The following FCHO2 variants were observed in gnomAD, a reference collection of about 807,000 sequenced individuals.
The protein encoded by FCHO2 is FCH and mu domain containing endocytic adaptor 2, also known as F-BAR domain only protein 2.
Under a neutral mutation model 114.1 loss-of-function variants are expected in FCHO2, and 43 were observed. That is an observed-to-expected ratio of 0.38 (90% CI 0.30 to 0.49). The LOEUF is 0.49. Among genes scored for constraint, FCHO2 ranks in the 20% least tolerant of loss-of-function variants. FCHO2 has a pLI of 0.97. For missense variants in FCHO2, 807 were observed against 950.4 expected, an observed-to-expected ratio of 0.85 and a Z score of 1.98; for synonymous variants, 293 against 315.2, an observed-to-expected ratio of 0.93 and a Z score of 0.75.
chr5:73,062,376 C>A (rs898430151), intron 17 of FCHO2, among the ~76,000 whole-genome samples: 4 of 152,102 alleles, frequency 2.6e-5, no homozygotes, highest in African/African-American at 9.7e-5. Context: ...TTTGGACAGA[C>A]CACTTGATCA....
At chr5:73,000,401 G>A (rs1163664099) in intron 5 of FCHO2, among the ~76,000 whole-genome samples, 1 of 150,576 alleles carries the variant, frequency 6.6e-6, no homozygotes, top group Non-Finnish European at 1.5e-5. Flanking sequence ...AACCGGGGAG[G>A]TGGAGGTTTC....
At chr5:73,000,275 C>A (rs1379869865) in intron 5 of FCHO2, among the ~76,000 whole-genome samples, 1 of 152,180 alleles carries the variant, frequency 6.6e-6, no homozygotes, top group East Asian at 1.9e-4. Flanking sequence ...CAGTTTGAGA[C>A]CAGCCTGGCC....
At chr5:73,023,813 T>A (rs1755768517) in intron 8 of FCHO2, among the ~76,000 whole-genome samples, 1 of 152,142 alleles carries the variant, frequency 6.6e-6, no homozygotes, top group Non-Finnish European at 1.5e-5. Flanking sequence ...TGCAGGTGAA[T>A]GAAAGTTTTG....
Position 73,052,458 on chromosome 5 carries a change from A to T in FCHO2, c.1124A>T (p.Asp375Val). ...TCACATCACACAATGGCTTCTTTGG[A>T]TGAATTAAAAGTATCTATAGGGAAT... Reference protein sequence around the residue: ...NNSHHTMASLDELKVSIGNIT... With the variant: ...NNSHHTMASLVELKVSIGNIT... The change falls in exon 13 of 26, where the codon GAT (aspartate) becomes GTT (valine). Residue 375 changes from aspartate to valine, a missense_variant. By Grantham distance (152) the Asp-to-Val change is radical. Transcript: ENST00000430046. 6.3e-7 allele frequency: 1 copy of T among 1,598,500 alleles called. No individual in the cohort carries two copies. Among genetic ancestry groups the T allele is most frequent in the Non-Finnish European group, 8.5e-7 (1 of 1,171,952 alleles).
chr5:73,052,398 A>G lies in FCHO2; in HGVS notation c.1064A>G (p.Tyr355Cys). ...TCCGAAGATGAAGAACCAAAGAAGT[A>G]TCGGATAGAAATTAAGCCTATGCAT... ...SDSEDEEPKK[Y>C]RIEIKPMHPN... is the part of the protein sequence containing the mutation. The change falls in exon 13 of 26, where the codon TAT (tyrosine) becomes TGT (cysteine). Residue 355 changes from tyrosine (Y) to cysteine (C), a missense_variant. Physicochemically the swap from Tyr to Cys is radical, Grantham distance 194 (BLOSUM62 -2). Transcript: ENST00000430046. 1 of 1,607,090 alleles carries G rather than the reference A, an allele frequency of 6.2e-7. No individual in the cohort carries two copies. Among genetic ancestry groups the G allele is most frequent in the Middle Eastern group, 1.7e-4 (1 of 6,054 alleles).
At chr5:73,035,867 G>A (rs1450721171) in intron 9 of FCHO2, among the ~76,000 whole-genome samples, 5 of 151,482 alleles carry the variant, frequency 3.3e-5, no homozygotes, top group Admixed American at 6.6e-5. Flanking sequence ...TTTTTGAGAC[G>A]GGGTCTTGCT....
rs575011760 is a variant in FCHO2, at chr5:72,972,650, A to G, written c.125+4061A>G. Among the ~76,000 whole-genome samples, 383 of 152,278 alleles carry G rather than the reference A, an allele frequency of 2.5e-3. 1 individual carries two copies. The highest frequency in any genetic ancestry group is 1.6e-3 in the Non-Finnish European group (110 of 68,018). On this transcript the variant is annotated intron_variant, in intron 2 of 25. Transcript: ENST00000430046. The stretch of plus-strand genomic sequence containing the variant: ...TATACAATCATGCCATCTGCAAACA[A>G]GGACAATTTGACTTCCTCTTTTCCT...
At chr5:72,997,557 A>G (rs1754187069) in intron 5 of FCHO2, 11 of 1,326,424 alleles carry the variant, frequency 8.3e-6, no homozygotes, top group South Asian at 1.2e-5. Flanking sequence ...ACCCTTCTCA[A>G]CCTGCTCCCG....
At chr5:73,003,967 G>A (rs1406935400) in intron 5 of FCHO2, among the ~76,000 whole-genome samples, 1 of 146,328 alleles carries the variant, frequency 6.8e-6, no homozygotes, top group Non-Finnish European at 1.5e-5. Flanking sequence ...AGAAGCGCTT[G>A]AATCCGGGAG....
At position 73,088,080 on chromosome 5, in the gene FCHO2, C is replaced by T. The variant is rs750891864; in HGVS notation, c.2423C>T (p.Ala808Val). Residue 808 changes from alanine to valine, a missense_variant, in exon 26 of 26, where the codon GCG (alanine) becomes GTG (valine). Ala to Val is a moderately conservative substitution (Grantham distance 64). Transcript: ENST00000430046. Reference sequence around the variant, plus strand: ...TGGCGTTTTTCAGGACGATACCTGGCGGATTGTTGATGGACCTGGGAAAGT... The same window carrying T: ...TGGCGTTTTTCAGGACGATACCTGGTGGATTGTTGATGGACCTGGGAAAGT... ...KKRFATGRYL[A>V]DC is the part of the protein sequence containing the mutation. 11 of 1,613,286 alleles carry T rather than the reference C, an allele frequency of 6.8e-6. No individual in the cohort carries two copies. Among genetic ancestry groups the T allele is most frequent in the East Asian group, 4.5e-5 (2 of 44,854 alleles).
intron 11 of FCHO2, among the ~76,000 whole-genome samples, chr5:73,043,850 A>G (rs534715616): frequency 6.6e-6 from 1 of 152,132 alleles, no homozygotes; most frequent in Non-Finnish European, 1.5e-5. Context: ...GAGAAAGGAG[A>G]CTTGTTTTTA....
chr5:72,993,302 T>G (rs1753907531), intron 5 of FCHO2, among the ~76,000 whole-genome samples: 1 of 152,084 alleles, frequency 6.6e-6, no homozygotes, highest in Non-Finnish European at 1.5e-5. Context: ...AGACTTGATA[T>G]AGTCAAAGAA....
chr5:73,063,374 G>A (rs1333651136), intron 17 of FCHO2, among the ~76,000 whole-genome samples: 1 of 151,966 alleles, frequency 6.6e-6, no homozygotes, highest in Non-Finnish European at 1.5e-5. Context: ...TTACAATGTG[G>A]TTCAACTTAA....
intron 5 of FCHO2, among the ~76,000 whole-genome samples, chr5:73,006,225 A>G (rs1561441650): frequency 6.6e-6 from 1 of 152,124 alleles, no homozygotes; most frequent in Admixed American, 6.6e-5. Context: ...CATTCCATCA[A>G]ACAGAAAAGA....
intron 19 of FCHO2, among the ~76,000 whole-genome samples, chr5:73,073,296 C>T (rs543090063): frequency 6.6e-6 from 1 of 152,124 alleles, no homozygotes; most frequent in East Asian, 1.9e-4. Context: ...AATAATGTTT[C>T]TCTCAAACAT....
chr5:73,041,048 G>GA lies in FCHO2; in HGVS notation c.915-236dup, dbSNP rs199848785. Among the ~76,000 whole-genome samples the GA allele has an allele frequency of 1.6e-3, 241 of 152,016 alleles. 3 individuals carry two copies. In the East Asian group the frequency reaches 0.045, roughly 28 times the overall value. On this transcript the variant is annotated intron_variant, in intron 10 of 25. Coordinates refer to ENST00000430046, the MANE Select transcript of FCHO2 (RefSeq NM_138782.3). ...TCTCAAAGCATAATGTAAGCTGTTAGAAAAAAAGGAATACTTGTAAGCTGT... is the reference window on the plus strand; with the variant it reads ...TCTCAAAGCATAATGTAAGCTGTTAGAAAAAAAAGGAATACTTGTAAGCTGT...
chr5:73,073,003 A>G (rs1280868782), intron 19 of FCHO2, among the ~76,000 whole-genome samples: 3 of 152,118 alleles, frequency 2.0e-5, no homozygotes, highest in East Asian at 1.9e-4. Flanking sequence ...GTTTAGAACA[A>G]TATATTAGGG....
At chr5:73,054,395 A>C in intron 14 of FCHO2, 130 bp from the exon 15 acceptor site, 1 of 904,366 alleles carries the variant, frequency 1.1e-6, no homozygotes, top group South Asian at 1.6e-5. Context: ...CTTTTATGTA[A>C]ATACACTTTA....
chr5:73,010,875 C>CAAAAAAAAA (rs57820498), intron 6 of FCHO2, among the ~76,000 whole-genome samples: 9 of 25,754 alleles, frequency 3.5e-4, no homozygotes, highest in African/African-American at 1.1e-3. Flanking sequence ...GACTCTGTCT[C>CAAAAAAAAA]AAAAAAAAAA....
Sources: allele counts gnomAD v4.1 joint callset (sites outside exome capture counted in the v4.1 genomes callset), GRCh38; gene constraint gnomAD v4.1.1; transcripts MANE v1.5; gene names NCBI Gene and HGNC (gene_info 2026-07-23, HGNC 2026-07-21).